Variants in HMGB1 observed in about 807,000 individuals in gnomAD.
The protein encoded by HMGB1 is high mobility group protein B1.
For missense variants in HMGB1, 79 were observed against 253.5 expected (o/e 0.31, Z 4.67); for synonymous variants, 81 against 84.0 (o/e 0.96, Z 0.19).
intron 1 of HMGB1, among the ~76,000 whole-genome samples, chr13:30,535,434 G>A (rs1868384177): frequency 6.6e-6 from 1 of 152,190 alleles, no homozygotes; most frequent in Admixed American, 6.5e-5. Flanking sequence ...AAAGATGATT[G>A]ATACTAGTAA....
chr13:30,572,296 T>C (rs1054343754), intron 1 of HMGB1, among the ~76,000 whole-genome samples: 66 of 152,232 alleles, frequency 4.3e-4, no homozygotes, highest in African/African-American at 1.5e-3. Context: ...GTGTTCAACT[T>C]AGCTCTCAGA....
chr13:30,566,034 TGCCTG>T (rs982967956), intron 1 of HMGB1, among the ~76,000 whole-genome samples: 1 of 152,236 alleles, frequency 6.6e-6, no homozygotes, highest in African/African-American at 2.4e-5. Flanking sequence ...GTGGTTTACC[TGCCTG>T]GCCCGTTTGG....
intron 1 of HMGB1, among the ~76,000 whole-genome samples, chr13:30,508,220 G>T (rs1887911869): frequency 6.6e-6 from 1 of 152,090 alleles, no homozygotes; most frequent in Non-Finnish European, 1.5e-5. Flanking sequence ...TTATGGAATT[G>T]AAAATGACAT....
chr13:30,522,251 C>T (rs775045346), intron 1 of HMGB1, among the ~76,000 whole-genome samples: 2 of 151,534 alleles, frequency 1.3e-5, no homozygotes, highest in Non-Finnish European at 2.9e-5. Context: ...TAGCTGGGAC[C>T]GCAGGTAGAT....
intron 1 of HMGB1, among the ~76,000 whole-genome samples, chr13:30,604,990 G>A (rs1243562377): frequency 1.3e-5 from 2 of 152,120 alleles, no homozygotes; most frequent in Admixed American, 6.5e-5. Flanking sequence ...GACCATATTC[G>A]CTGAGGGATT....
intron 1 of HMGB1, among the ~76,000 whole-genome samples, chr13:30,503,647 C>CT (rs10590461): frequency 0.12 from 12,911 of 106,274 alleles, 843 homozygotes; most frequent in Admixed American, 0.19. Context: ...TACTCAGCTT[C>CT]TTTTTTTTTT....
chr13:30,534,881 C>G (rs1888578960), intron 1 of HMGB1, among the ~76,000 whole-genome samples: 1 of 152,042 alleles, frequency 6.6e-6, no homozygotes, highest in Non-Finnish European at 1.5e-5. Flanking sequence ...CCAGCCAGTT[C>G]AAGCTGTTTT....
chr13:30,558,447 A>G (rs1179561040), intron 1 of HMGB1, among the ~76,000 whole-genome samples: 1 of 152,198 alleles, frequency 6.6e-6, no homozygotes, highest in Non-Finnish European at 1.5e-5. Context: ...GCTCACCAAG[A>G]CCTCAGCAGA....
intron 1 of HMGB1, among the ~76,000 whole-genome samples, chr13:30,488,615 C>T (rs1375772028): frequency 2.0e-5 from 3 of 151,200 alleles, no homozygotes; most frequent in Admixed American, 2.0e-4. Flanking sequence ...TCCTGAGTGA[C>T]TGGGGCTACA....
At chr13:30,516,212 A>G (rs185961271) in intron 1 of HMGB1, among the ~76,000 whole-genome samples, 41 of 152,354 alleles carry the variant, frequency 2.7e-4, no homozygotes, top group Admixed American at 2.5e-3. Context: ...GGCCTGAACA[A>G]ATTCCTCCCT....
intron 1 of HMGB1, among the ~76,000 whole-genome samples, chr13:30,522,396 G>A (rs1566014124): frequency 6.6e-6 from 1 of 152,134 alleles, no homozygotes; most frequent in Non-Finnish European, 1.5e-5. Flanking sequence ...GAGCCACTGT[G>A]CCTGGACATA....
At chr13:30,511,204 T>C (rs1887983869) in intron 1 of HMGB1, among the ~76,000 whole-genome samples, 1 of 152,236 alleles carries the variant, frequency 6.6e-6, no homozygotes, top group African/African-American at 2.4e-5. Context: ...CATTATCCAC[T>C]ACAGCCCAGC....
chr13:30,582,989 T>G (rs906041543), intron 1 of HMGB1, among the ~76,000 whole-genome samples: 1 of 152,168 alleles, frequency 6.6e-6, no homozygotes, highest in African/African-American at 2.4e-5. Context: ...TCTGAATGAG[T>G]CTTCTTGCTT....
intron 1 of HMGB1, among the ~76,000 whole-genome samples, chr13:30,477,607 A>G (rs1887128137): frequency 1.3e-5 from 2 of 152,260 alleles, no homozygotes; most frequent in South Asian, 2.1e-4. Context: ...GGGAGGCCCA[A>G]GACAAAAAAC....
At chr13:30,571,098 C>T (rs1026923111) in intron 1 of HMGB1, among the ~76,000 whole-genome samples, 5 of 151,932 alleles carry the variant, frequency 3.3e-5, no homozygotes, top group Admixed American at 2.6e-4. Flanking sequence ...ATAAGAGTAG[C>T]TAGAAGGTGG....
In HMGB1 at chr13:30,465,802, C is replaced by G. The variant is rs528827064; in HGVS notation, c.-21G>C. 6.7e-4 allele frequency: 656 copies of G among 985,848 alleles called. 2 individuals are homozygous for G. In the Middle Eastern group the frequency reaches 8.3e-3, roughly 13 times the overall value. 61.1% of individuals were successfully genotyped at this position (985,848 alleles called of 1,614,324 possible). ...GGCGCTGCCCCAGACTCACCCTCAG[C>G]GAGGCACAGAGTCGCCCAGTGCCCG... On this transcript the variant is annotated 5_prime_UTR_variant, in exon 1 of 5. Transcript: ENST00000341423.
intron 1 of HMGB1, among the ~76,000 whole-genome samples, chr13:30,509,236 C>A (rs1178116256): frequency 6.8e-6 from 1 of 146,976 alleles, no homozygotes; most frequent in East Asian, 1.9e-4. Flanking sequence ...CTGCGCCCAG[C>A]ACCAATATTC....
chr13:30,463,297 G>T lies in HMGB1; in HGVS notation c.206C>A (p.Ala69Asp). The change falls in exon 3 of 5, where the codon GCC (alanine) becomes GAC (aspartate). Residue 69 changes from alanine (A) to aspartate (D), a missense_variant. Coordinates refer to ENST00000341423, the MANE Select transcript of HMGB1 (RefSeq NM_002128.7). The stretch of plus-strand genomic sequence containing the variant: ...GGTTTTCATTTCTCTTTCATAACGG[G>T]CCTTGTCCGCTTTTGCCATATCTTC... ...KFEDMAKADK[A>D]RYEREMKTYI... The T allele has an allele frequency of 6.2e-7, 1 of 1,609,168 alleles. No individual in the cohort carries two copies.
chr13:30,569,891 C>T (rs1029559105), intron 1 of HMGB1, among the ~76,000 whole-genome samples: 3 of 152,160 alleles, frequency 2.0e-5, no homozygotes, highest in African/African-American at 7.2e-5. Context: ...GGCTAGAGGT[C>T]GTGCATTTTA....
Sources: gnomAD v4.1 joint callset for allele counts (sites outside exome capture counted in the v4.1 genomes callset) on GRCh38, gnomAD v4.1.1 for gene constraint, MANE v1.5 for transcripts, NCBI Gene and HGNC (gene_info 2026-07-23, HGNC 2026-07-21) for gene names.